The following LURAP1L variants were observed in gnomAD, a reference collection of about 807,000 sequenced individuals.
The protein encoded by LURAP1L is leucine rich adaptor protein 1-like.
A neutral mutation model predicts 13.8 loss-of-function variants in LURAP1L; 12 were observed. That is an observed-to-expected ratio of 0.87 (90% confidence interval 0.56 to 1.41). The LOEUF is 1.41. Among genes scored for constraint, LURAP1L ranks in the 40% most tolerant of loss-of-function variants. LURAP1L has a pLI of 0.00. For missense variants in LURAP1L, 375 were observed against 292.9 expected (o/e 1.28, Z -2.04); for synonymous variants, 139 against 119.2 (o/e 1.17, Z -1.08).
At chr9:12,782,518 T>C (rs7857613) in intron 1 of LURAP1L, among the ~76,000 whole-genome samples, 6,204 of 152,306 alleles carry the variant, frequency 0.041, 428 homozygotes, top group African/African-American at 0.14. Context: ...TGTATGTTCT[T>C]GGCATCTTTG....
intron 1 of LURAP1L, among the ~76,000 whole-genome samples, chr9:12,792,277 GT>G (rs993870255): frequency 1.7e-4 from 26 of 152,174 alleles, no homozygotes; most frequent in Non-Finnish European, 2.8e-4. Flanking sequence ...CTGAGAACCA[GT>G]TTTGTTAGAA....
chr9:12,815,101 T>G (rs1452990421), intron 1 of LURAP1L, among the ~76,000 whole-genome samples: 1 of 152,192 alleles, frequency 6.6e-6, no homozygotes, highest in South Asian at 2.1e-4. Context: ...AATATTTTTA[T>G]GGATCTTCTG....
At chr9:12,791,111 C>T (rs554754657) in intron 1 of LURAP1L, among the ~76,000 whole-genome samples, 20 of 152,094 alleles carry the variant, frequency 1.3e-4, no homozygotes, top group African/African-American at 4.6e-4. Context: ...CAGTTGCTAG[C>T]AAGCTTATAG....
intron 1 of LURAP1L, among the ~76,000 whole-genome samples, chr9:12,804,554 G>T (rs1351773347): frequency 6.6e-6 from 1 of 151,984 alleles, no homozygotes; most frequent in Admixed American, 6.6e-5. Context: ...TGTTGGCCAG[G>T]CTGGTCTCGA....
intron 1 of LURAP1L, among the ~76,000 whole-genome samples, chr9:12,815,311 C>T (rs1819790037): frequency 6.6e-6 from 1 of 152,096 alleles, no homozygotes; most frequent in African/African-American, 2.4e-5. Context: ...AACAATACTC[C>T]AAGTGCTTTT....
At chr9:12,813,649 T>A (rs1474993858) in intron 1 of LURAP1L, among the ~76,000 whole-genome samples, 1 of 152,104 alleles carries the variant, frequency 6.6e-6, no homozygotes, top group Non-Finnish European at 1.5e-5. Flanking sequence ...TTTCCAATAG[T>A]GCCAAAAAAA....
rs1819153000 is a variant in LURAP1L, at chr9:12,775,382, A to G, written c.-334A>G. On this transcript the variant is annotated 5_prime_UTR_variant, in exon 1 of 2. Transcript: ENST00000319264. ...TAATTTCCCTCTCTTTTCTTTCACT[A>G]CTTCCCCCTCTTTATTCCCCCTCTG... is the stretch of plus-strand genomic sequence containing the variant. 3.5e-6 allele frequency: 1 copy of G among 283,532 alleles called. No homozygotes were observed. The highest frequency in any genetic ancestry group is 6.7e-5 in the East Asian group (1 of 14,836). 17.6% of individuals were successfully genotyped at this position (283,532 alleles called of 1,614,324 possible). A position where few individuals can be genotyped will look rare whatever the true frequency, so the allele number is the denominator to read the frequency against.
intron 1 of LURAP1L, among the ~76,000 whole-genome samples, chr9:12,788,148 GAAGAAAGA>G (rs35187096): frequency 0.012 from 1,431 of 117,414 alleles, 17 homozygotes; most frequent in Admixed American, 0.024. Context: ...GAAAGAGAAA[GAAGAAAGA>G]AAGAAAGAAA....
At chr9:12,805,876 A>G (rs2118524355) in intron 1 of LURAP1L, among the ~76,000 whole-genome samples, 1 of 152,342 alleles carries the variant, frequency 6.6e-6, no homozygotes, top group East Asian at 1.9e-4. Context: ...GTGAAAATGG[A>G]CATAATCCTA....
At chr9:12,815,481 A>T (rs1024373077) in intron 1 of LURAP1L, among the ~76,000 whole-genome samples, 1 of 152,208 alleles carries the variant, frequency 6.6e-6, no homozygotes, top group African/African-American at 2.4e-5. Flanking sequence ...AGAGCATCAC[A>T]TTAAAAAGCA....
intron 1 of LURAP1L, among the ~76,000 whole-genome samples, chr9:12,803,365 G>C (rs1819613618): frequency 6.6e-6 from 1 of 152,168 alleles, no homozygotes; most frequent in African/African-American, 2.4e-5. Context: ...GGGAAGATTA[G>C]ATACTTGTTA....
intron 1 of LURAP1L, among the ~76,000 whole-genome samples, chr9:12,818,502 T>C (rs1331249462): frequency 6.6e-6 from 1 of 152,200 alleles, no homozygotes; most frequent in Non-Finnish European, 1.5e-5. Flanking sequence ...GCTTCTTTCT[T>C]TAAGGAGCTC....
chr9:12,821,634 G>A lies in LURAP1L; in HGVS notation c.561G>A (p.Ala187=), dbSNP rs1563901346. The change falls in exon 2 of 2, where the codon GCG becomes GCA. Residue 187 remains alanine (A), a synonymous_variant. Transcript: ENST00000319264. ...ISVGSYLDTL[A]DDVPGHQTPS... ...TGGGAAGTTATCTGGACACGTTGGC[G>A]GATGATGTCCCAGGCCATCAGACCC... 1.9e-6 allele frequency: 3 copies of A among 1,614,058 alleles called. No individual in the cohort carries two copies. The highest frequency in any genetic ancestry group is 2.5e-6 in the Non-Finnish European group (3 of 1,180,050).
chr9:12,784,656 C>A (rs899097285), intron 1 of LURAP1L, among the ~76,000 whole-genome samples: 10 of 152,204 alleles, frequency 6.6e-5, no homozygotes, highest in African/African-American at 2.4e-4. Context: ...CAACACAGTA[C>A]TTGATGTCAC....
intron 1 of LURAP1L, among the ~76,000 whole-genome samples, chr9:12,801,722 A>G (rs572397722): frequency 4.6e-5 from 7 of 152,320 alleles, no homozygotes; most frequent in African/African-American, 7.2e-5. Context: ...GGGCATAAAC[A>G]CAGACTTCAG....
At chr9:12,816,889 G>A (rs1048109197) in intron 1 of LURAP1L, among the ~76,000 whole-genome samples, 8 of 152,144 alleles carry the variant, frequency 5.3e-5, no homozygotes, top group Admixed American at 1.3e-4. Flanking sequence ...CCTTTGGACC[G>A]ATCAGTCTAA....
intron 1 of LURAP1L, among the ~76,000 whole-genome samples, chr9:12,810,321 C>G (rs980107543): frequency 1.3e-5 from 2 of 152,168 alleles, no homozygotes; most frequent in Non-Finnish European, 2.9e-5. Flanking sequence ...CTACAGAAAG[C>G]TAAGGCCTTC....
At chr9:12,793,310 A>G (rs1819469147) in intron 1 of LURAP1L, among the ~76,000 whole-genome samples, 1 of 152,122 alleles carries the variant, frequency 6.6e-6, no homozygotes, top group Non-Finnish European at 1.5e-5. Context: ...TATGTTTAAT[A>G]TAAAACAACC....
intron 1 of LURAP1L, among the ~76,000 whole-genome samples, chr9:12,806,631 G>T (rs1177664988): frequency 1.3e-5 from 2 of 151,978 alleles, no homozygotes; most frequent in Non-Finnish European, 2.9e-5. Flanking sequence ...ACAATTTTAT[G>T]TTTTACTTTT....
Sources: allele counts gnomAD v4.1 joint callset (sites outside exome capture counted in the v4.1 genomes callset), GRCh38; gene constraint gnomAD v4.1.1; transcripts MANE v1.5; gene names NCBI Gene and HGNC (gene_info 2026-07-23, HGNC 2026-07-21).